The following ITGA9 variants were observed in gnomAD, a reference collection of about 807,000 sequenced individuals.
ITGA9 encodes the protein integrin alpha-9.
A neutral mutation model predicts 127.8 loss-of-function variants in ITGA9; 56 were observed. The observed-to-expected ratio is 0.44, with a 90% confidence interval of 0.35 to 0.55. The LOEUF is 0.55. ITGA9 is among the 20% of genes least tolerant of loss of function. The pLI is 0.00. For synonymous variants in ITGA9, 508 were observed against 514.5 expected (o/e 0.99, Z 0.17); for missense variants, 1,196 against 1,347.1 (o/e 0.89, Z 1.76).
intron 5 of ITGA9, among the ~76,000 whole-genome samples, chr3:37,495,930 A>G (rs963353138): frequency 1.3e-5 from 2 of 152,096 alleles, no homozygotes; most frequent in Non-Finnish European, 1.5e-5. Context: ...GAGGATTACA[A>G]TGTAAAGCTC....
rs192113990 is a variant in ITGA9 at position 37,678,271 on chromosome 3, C to T, written c.1917-5594C>T. 3.1e-3 allele frequency among the ~76,000 whole-genome samples: 465 copies of T among 152,314 alleles called. 4 individuals carry two copies. The highest frequency in any genetic ancestry group is 0.01 in the Middle Eastern group (3 of 294). ...TCATATTGTTTTCCAAGCAGCCACT[C>T]GATTTTACGTTCCTACCAACAGTGC... On this transcript the variant is annotated intron_variant, in intron 17 of 27. Transcript: ENST00000264741.
intron 14 of ITGA9, among the ~76,000 whole-genome samples, chr3:37,541,045 G>C (rs1699260525): frequency 6.6e-6 from 1 of 152,240 alleles, no homozygotes; most frequent in Non-Finnish European, 1.5e-5. Context: ...CCTGTGGCAG[G>C]TGCAGAATGC....
intron 15 of ITGA9, among the ~76,000 whole-genome samples, chr3:37,596,718 T>C (rs1202142517): frequency 1.3e-5 from 2 of 152,132 alleles, no homozygotes; most frequent in African/African-American, 4.8e-5. Flanking sequence ...ACAAGGGGTC[T>C]GGGGCCAGCG....
At chr3:37,585,468 G>A (rs973600242) in intron 15 of ITGA9, among the ~76,000 whole-genome samples, 2 of 152,190 alleles carry the variant, frequency 1.3e-5, no homozygotes, top group Non-Finnish European at 2.9e-5. Flanking sequence ...AAATTCATTA[G>A]AGCGAATTCA....
At chr3:37,628,168 C>T (rs951406619) in intron 15 of ITGA9, among the ~76,000 whole-genome samples, 9 of 152,196 alleles carry the variant, frequency 5.9e-5, no homozygotes, top group African/African-American at 2.2e-4. Flanking sequence ...TGCTGCCACT[C>T]TCCTGTCTCC....
chr3:37,802,049 T>G (rs560966515), intron 26 of ITGA9, among the ~76,000 whole-genome samples: 2 of 152,182 alleles, frequency 1.3e-5, no homozygotes, highest in Admixed American at 1.3e-4. Context: ...AGTGTGGTGA[T>G]GACAAGCTCA....
At chr3:37,535,598 T>A (rs1699200327) in intron 14 of ITGA9, among the ~76,000 whole-genome samples, 1 of 152,206 alleles carries the variant, frequency 6.6e-6, no homozygotes, top group African/African-American at 2.4e-5. Flanking sequence ...TTGTGGGCAA[T>A]GCGAAGCAAC....
rs554932999 is a variant in ITGA9, at chr3:37,728,590, G to T, written c.2068-4122G>T. On this transcript the variant is annotated intron_variant, in intron 18 of 27. Coordinates refer to ENST00000264741, the MANE Select transcript of ITGA9 (RefSeq NM_002207.3). The stretch of plus-strand genomic sequence containing the variant: ...GCCTTGAATGAAGTGCTCCCCTAAT[G>T]GGGGAAGCCTTGCAACCTTTATAAA... 4.6e-5 allele frequency among the ~76,000 whole-genome samples: 7 copies of T among 152,224 alleles called. No individual in the cohort carries two copies. The South Asian group carries it at 1.5e-3, about 32-fold the overall frequency.
chr3:37,811,843 C>T (rs1304103139), intron 27 of ITGA9, among the ~76,000 whole-genome samples: 1 of 152,232 alleles, frequency 6.6e-6, no homozygotes, highest in Admixed American at 6.5e-5. Flanking sequence ...TTTGCCAGCC[C>T]TCTGAAAAGG....
chr3:37,525,978 G>A (rs756170831), intron 12 of ITGA9, 48 bp from the exon 13 acceptor site: 10 of 1,570,498 alleles, frequency 6.4e-6, no homozygotes, highest in Admixed American at 1.7e-5. Flanking sequence ...GCGCGGTTGT[G>A]TATGGGCTTC....
chr3:37,794,241 C>A (rs902578113), intron 26 of ITGA9, among the ~76,000 whole-genome samples: 2 of 152,202 alleles, frequency 1.3e-5, no homozygotes, highest in African/African-American at 4.8e-5. Context: ...CTGCTGGATG[C>A]CCCACAGCCG....
At chr3:37,790,867 GC>G (rs1307435083) in intron 26 of ITGA9, 1 of 152,322 alleles carries the variant, frequency 6.6e-6, no homozygotes, top group African/African-American at 2.4e-5. Flanking sequence ...TGAGTAGGGG[GC>G]GAGAGGGGAA....
At chr3:37,670,726 A>G (rs931618109) in intron 17 of ITGA9, among the ~76,000 whole-genome samples, 1 of 152,222 alleles carries the variant, frequency 6.6e-6, no homozygotes, top group African/African-American at 2.4e-5. Context: ...GCATATTGCT[A>G]AACTACACAT....
intron 15 of ITGA9, among the ~76,000 whole-genome samples, chr3:37,558,642 TTG>T (rs141039763): frequency 0.022 from 3,375 of 152,326 alleles, 65 homozygotes; most frequent in African/African-American, 0.043. Flanking sequence ...TGAGTGCTCA[TTG>T]TGTGCCAGAC....
intron 16 of ITGA9, among the ~76,000 whole-genome samples, chr3:37,647,276 T>C (rs1357405653): frequency 4.6e-5 from 7 of 152,170 alleles, no homozygotes; most frequent in African/African-American, 1.7e-4. Flanking sequence ...TGGTATTCTA[T>C]TGCTGCATAA....
chr3:37,682,606 T>C (rs935382832), intron 17 of ITGA9, among the ~76,000 whole-genome samples: 1 of 152,166 alleles, frequency 6.6e-6, no homozygotes, highest in East Asian at 1.9e-4. Flanking sequence ...CTCCTTCAAC[T>C]CCAGACTCAT....
intron 13 of ITGA9, among the ~76,000 whole-genome samples, chr3:37,530,938 AG>A (rs1699145077): frequency 6.6e-6 from 1 of 151,510 alleles, no homozygotes; most frequent in Non-Finnish European, 1.5e-5. Flanking sequence ...TTTTTAGTAG[AG>A]ACAGGGTTTC....
At chr3:37,723,093 A>G (rs1701208660) in intron 18 of ITGA9, among the ~76,000 whole-genome samples, 1 of 152,132 alleles carries the variant, frequency 6.6e-6, no homozygotes, top group Non-Finnish European at 1.5e-5. Flanking sequence ...TTTTCATGTG[A>G]TTATTGGCCA....
At chr3:37,564,162 C>T (rs555583672) in intron 15 of ITGA9, among the ~76,000 whole-genome samples, 1 of 152,346 alleles carries the variant, frequency 6.6e-6, no homozygotes, top group Admixed American at 6.5e-5. Flanking sequence ...CACCATTTTT[C>T]TCCTGAGGTT....
Sources: allele counts gnomAD v4.1 joint callset (sites outside exome capture counted in the v4.1 genomes callset), GRCh38; gene constraint gnomAD v4.1.1; transcripts MANE v1.5; gene names NCBI Gene and HGNC (gene_info 2026-07-23, HGNC 2026-07-21).